Variants in ENTREP2 observed in about 807,000 individuals in gnomAD.
The protein encoded by ENTREP2 is protein ENTREP2.
chr15:29,633,458 TG>T, the ENTREP2 span, among the ~76,000 whole-genome samples: 509 of 150,142 alleles, frequency 3.4e-3, 4 homozygotes, highest in African/African-American at 0.011. Flanking sequence ...CATTTGATGT[TG>T]GGGGGGGCGG....
At chr15:29,326,191 ACTT>A in the ENTREP2 span, among the ~76,000 whole-genome samples, 1 of 152,172 alleles carries the variant, frequency 6.6e-6, no homozygotes, top group East Asian at 1.9e-4. Context: ...CTCTCTCACT[ACTT>A]CTGTTCAACA....
chr15:29,489,375 C>T, the ENTREP2 span, among the ~76,000 whole-genome samples: 1 of 152,162 alleles, frequency 6.6e-6, no homozygotes, highest in Admixed American at 6.5e-5. Context: ...CTGCCAAGGA[C>T]ATGAGTTACC....
At chr15:29,219,119 A>C in the ENTREP2 span, among the ~76,000 whole-genome samples, 2 of 152,154 alleles carry the variant, frequency 1.3e-5, no homozygotes, top group African/African-American at 4.8e-5. Context: ...TAAGAAAAAA[A>C]AAACAAACAA....
the ENTREP2 span, among the ~76,000 whole-genome samples, chr15:29,529,916 T>G: frequency 6.6e-6 from 1 of 152,188 alleles, no homozygotes; most frequent in Admixed American, 6.5e-5. Flanking sequence ...GTTTCTTTAG[T>G]CATCTGACTA....
the ENTREP2 span, among the ~76,000 whole-genome samples, chr15:29,520,933 G>T: frequency 3.9e-5 from 6 of 152,260 alleles, no homozygotes; most frequent in Admixed American, 2.6e-4. Context: ...TAATTGGGAA[G>T]ATATAATGTA....
chr15:29,433,738 G>GA, the ENTREP2 span, among the ~76,000 whole-genome samples: 1 of 150,942 alleles, frequency 6.6e-6, no homozygotes, highest in Non-Finnish European at 1.5e-5. Context: ...TCCCTCAAGG[G>GA]GTCTCAAGGT....
At chr15:29,384,429 G>A in the ENTREP2 span, among the ~76,000 whole-genome samples, 1 of 152,074 alleles carries the variant, frequency 6.6e-6, no homozygotes, top group Non-Finnish European at 1.5e-5. Context: ...CCCGATGACA[G>A]CCTTGTCCAC....
the ENTREP2 span, among the ~76,000 whole-genome samples, chr15:29,435,322 G>C: frequency 6.6e-6 from 1 of 152,142 alleles, no homozygotes; most frequent in Non-Finnish European, 1.5e-5. Context: ...CAAAGGGGAA[G>C]TAATATAAAT....
the ENTREP2 span, among the ~76,000 whole-genome samples, chr15:29,478,909 G>T: frequency 7.1e-6 from 1 of 140,600 alleles, no homozygotes. Context: ...AAAAGTGTGT[G>T]GCAGGCCAGG....
the ENTREP2 span, among the ~76,000 whole-genome samples, chr15:29,413,964 A>G: frequency 6.6e-6 from 1 of 152,194 alleles, no homozygotes; most frequent in Non-Finnish European, 1.5e-5. Flanking sequence ...CTAAATATAT[A>G]TGCACCCAAT....
chr15:29,425,850 C>T, the ENTREP2 span, among the ~76,000 whole-genome samples: 1 of 151,952 alleles, frequency 6.6e-6, no homozygotes, highest in African/African-American at 2.4e-5. Context: ...CCTCAACCTG[C>T]CTCCCAGATT....
At chr15:29,626,188 C>T in the ENTREP2 span, among the ~76,000 whole-genome samples, 2 of 152,098 alleles carry the variant, frequency 1.3e-5, no homozygotes, top group African/African-American at 2.4e-5. Flanking sequence ...TATCTTCAAA[C>T]TTTGCTATAC....
At chr15:29,674,589 A>AT in the ENTREP2 span, among the ~76,000 whole-genome samples, 1 of 151,752 alleles carries the variant, frequency 6.6e-6, no homozygotes, top group African/African-American at 2.4e-5. Flanking sequence ...TTTTAATCAG[A>AT]TTTTTTCTTT....
chr15:29,361,582 A>G, the ENTREP2 span, among the ~76,000 whole-genome samples: 2 of 152,150 alleles, frequency 1.3e-5, no homozygotes, highest in African/African-American at 2.4e-5. Context: ...CCTAAATACC[A>G]TATCTTAACC....
At chr15:29,176,896 T>C in the ENTREP2 span, among the ~76,000 whole-genome samples, 5 of 152,248 alleles carry the variant, frequency 3.3e-5, no homozygotes, top group Non-Finnish European at 7.3e-5. Context: ...CTCTCAGTCC[T>C]GTCCCCTGCT....
At chr15:29,295,204 T>C in the ENTREP2 span, among the ~76,000 whole-genome samples, 594 of 152,336 alleles carry the variant, frequency 3.9e-3, 4 homozygotes, top group African/African-American at 0.013. Flanking sequence ...CCCCTGCCTG[T>C]GCTCCATCTG....
the ENTREP2 span, among the ~76,000 whole-genome samples, chr15:29,207,195 C>A: frequency 2.0e-5 from 3 of 152,068 alleles, no homozygotes; most frequent in African/African-American, 7.2e-5. Flanking sequence ...ACAAAGCCGG[C>A]CCATTATTGG....
chr15:29,661,774 A>C, the ENTREP2 span, among the ~76,000 whole-genome samples: 46 of 152,288 alleles, frequency 3.0e-4, no homozygotes, highest in African/African-American at 1.1e-3. Context: ...GTCATTATTA[A>C]AGTAGTGTGA....
At chr15:29,293,446 CA>C in the ENTREP2 span, among the ~76,000 whole-genome samples, 1 of 150,788 alleles carries the variant, frequency 6.6e-6, no homozygotes, top group Non-Finnish European at 1.5e-5. Flanking sequence ...TTAGTAGAGA[CA>C]GGGTTTCACC....
Sources: allele counts gnomAD v4.1 joint callset (sites outside exome capture counted in the v4.1 genomes callset), GRCh38; gene constraint gnomAD v4.1.1; transcripts MANE v1.5; gene names NCBI Gene and HGNC (gene_info 2026-07-23, HGNC 2026-07-21).